Variants in ARHGAP42 observed in about 807,000 individuals in gnomAD.
The protein encoded by ARHGAP42 is Rho GTPase activating protein 42, also known as rho GTPase-activating protein 42.
ARHGAP42 carries 63 observed loss-of-function variants against 125.0 expected under a neutral mutation model. The observed-to-expected ratio is 0.50, with a 90% CI of 0.41 to 0.62. The LOEUF is 0.62. ARHGAP42 is among the 20% of genes least tolerant of loss of function. The pLI, the probability that ARHGAP42 is intolerant of heterozygous loss-of-function variation, is 0.00. For missense variants in ARHGAP42, 766 were observed against 1,024.2 expected (o/e 0.75, Z 3.44); for synonymous variants, 339 against 351.0 (o/e 0.97, Z 0.38).
chr11:100,885,395 A>G (rs1459291038), intron 4 of ARHGAP42, among the ~76,000 whole-genome samples: 3 of 152,320 alleles, frequency 2.0e-5, no homozygotes, highest in Non-Finnish European at 2.9e-5. Flanking sequence ...TAGGTTATTT[A>G]TATAGCACTT....
chr11:100,712,543 G>A (rs1266109944), intron 1 of ARHGAP42, among the ~76,000 whole-genome samples: 1 of 152,184 alleles, frequency 6.6e-6, no homozygotes, highest in Non-Finnish European at 1.5e-5. Flanking sequence ...CCCCAGAAGT[G>A]GGATAAGGGA....
intron 4 of ARHGAP42, among the ~76,000 whole-genome samples, chr11:100,866,553 C>T (rs534195350): frequency 6.6e-6 from 1 of 152,086 alleles, no homozygotes; most frequent in African/African-American, 2.4e-5. Flanking sequence ...CAGCCATGTA[C>T]AGGAAACATG....
At chr11:100,755,419 G>C (rs543431320) in intron 1 of ARHGAP42, among the ~76,000 whole-genome samples, 1 of 152,306 alleles carries the variant, frequency 6.6e-6, no homozygotes, top group Admixed American at 6.5e-5. Flanking sequence ...AGCAGTAACA[G>C]TATACACAAT....
chr11:100,883,191 A>T (rs1293229793), intron 4 of ARHGAP42, among the ~76,000 whole-genome samples: 1 of 152,140 alleles, frequency 6.6e-6, no homozygotes, highest in Non-Finnish European at 1.5e-5. Flanking sequence ...TTCAACACAC[A>T]GCCTCAAGCT....
intron 3 of ARHGAP42, among the ~76,000 whole-genome samples, chr11:100,848,652 C>T (rs959482571): frequency 1.3e-5 from 2 of 151,888 alleles, no homozygotes; most frequent in Non-Finnish European, 2.9e-5. Context: ...TACAGGTGTG[C>T]ACCACCACAC....
chr11:100,905,199 C>G (rs958604952), intron 4 of ARHGAP42, among the ~76,000 whole-genome samples: 3 of 151,968 alleles, frequency 2.0e-5, no homozygotes, highest in African/African-American at 7.3e-5. Flanking sequence ...TTAACAATGC[C>G]TAAGATTGAA....
In ARHGAP42 at chr11:100,990,841, A is replaced by G. The variant is rs1290347308; in HGVS notation, c.*2040A>G. ...CAAATTGGTTTTCTTTCAAAGACCAACTTGACTCCAAAGAGAGATTCAGAA... is the reference window on the plus strand; with the variant it reads ...CAAATTGGTTTTCTTTCAAAGACCAGCTTGACTCCAAAGAGAGATTCAGAA... On this transcript the variant is annotated 3_prime_UTR_variant, in exon 24 of 24. Coordinates refer to ENST00000298815, the MANE Select transcript of ARHGAP42 (RefSeq NM_152432.4). The G allele has an allele frequency of 1.3e-5, 2 of 152,484 alleles. No individual in the cohort carries two copies. Among genetic ancestry groups the G allele is most frequent in the Admixed American group, 6.5e-5 (1 of 15,278 alleles). The allele number at this position is 152,484 out of a possible 1,614,324, so 9.4% of individuals were successfully genotyped here.
At chr11:100,903,709 A>ATATATATAT (rs1866628124) in intron 4 of ARHGAP42, among the ~76,000 whole-genome samples, 1 of 63,504 alleles carries the variant, frequency 1.6e-5, no homozygotes. Flanking sequence ...TGTCCCTCAA[A>ATATATATAT]ATATATATAT....
At chr11:100,961,542 A>G (rs558155138) in intron 14 of ARHGAP42, 142 bp from the exon 15 acceptor site, 6 of 645,004 alleles carry the variant, frequency 9.3e-6, no homozygotes, top group East Asian at 2.9e-5. Flanking sequence ...CACGCAAACA[A>G]CAGTACTAAT....
chr11:100,741,903 G>A (rs968042312), intron 1 of ARHGAP42, among the ~76,000 whole-genome samples: 13 of 152,170 alleles, frequency 8.5e-5, no homozygotes, highest in Admixed American at 5.2e-4. Flanking sequence ...CAGGTTTAGA[G>A]GGAAATCCAT....
intron 4 of ARHGAP42, among the ~76,000 whole-genome samples, chr11:100,912,546 A>G (rs1464697256): frequency 2.0e-5 from 3 of 152,164 alleles, no homozygotes; most frequent in East Asian, 1.9e-4. Flanking sequence ...TCTTTGGCCA[A>G]TGAAATTTAT....
At chr11:100,920,073 G>A (rs564948386) in intron 5 of ARHGAP42, among the ~76,000 whole-genome samples, 41 of 152,260 alleles carry the variant, frequency 2.7e-4, no homozygotes, top group Non-Finnish European at 5.1e-4. Context: ...GATTTGTGTG[G>A]AATACTGATG....
At chr11:100,964,235 C>T (rs1858032991) in intron 16 of ARHGAP42, among the ~76,000 whole-genome samples, 1 of 152,110 alleles carries the variant, frequency 6.6e-6, no homozygotes, top group African/African-American at 2.4e-5. Context: ...TTCCATGAGC[C>T]TGCAACCAGG....
At chr11:100,741,222 G>T (rs1300023777) in intron 1 of ARHGAP42, among the ~76,000 whole-genome samples, 1 of 152,034 alleles carries the variant, frequency 6.6e-6, no homozygotes, top group African/African-American at 2.4e-5. Flanking sequence ...GTACAGACGG[G>T]GTTTCACCAT....
intron 4 of ARHGAP42, among the ~76,000 whole-genome samples, chr11:100,900,464 G>T (rs906476615): frequency 5.3e-5 from 8 of 152,126 alleles, no homozygotes; most frequent in African/African-American, 1.9e-4. Context: ...GCCTTGCTAG[G>T]TTGGGGAAGT....
chr11:100,837,614 G>A (rs1321242497), intron 3 of ARHGAP42, among the ~76,000 whole-genome samples: 1 of 145,878 alleles, frequency 6.9e-6, no homozygotes, highest in Non-Finnish European at 1.5e-5. Context: ...TATAACAAGG[G>A]GAGAGGTTTT....
intron 6 of ARHGAP42, among the ~76,000 whole-genome samples, chr11:100,926,190 T>C (rs1867417380): frequency 6.6e-6 from 1 of 152,220 alleles, no homozygotes; most frequent in Non-Finnish European, 1.5e-5. Flanking sequence ...GTTGGACTGA[T>C]GTTTTGTGAG....
intron 5 of ARHGAP42, among the ~76,000 whole-genome samples, chr11:100,919,804 G>A (rs879526946): frequency 1.3e-5 from 2 of 152,136 alleles, no homozygotes; most frequent in Non-Finnish European, 2.9e-5. Flanking sequence ...ACCCAGTAGT[G>A]TGCTAAGACT....
intron 1 of ARHGAP42, among the ~76,000 whole-genome samples, chr11:100,711,321 C>T (rs958833424): frequency 2.0e-5 from 3 of 152,122 alleles, no homozygotes; most frequent in Non-Finnish European, 4.4e-5. Context: ...TTTACTTCTT[C>T]CTTCTACTTG....
Sources: allele counts gnomAD v4.1 joint callset (sites outside exome capture counted in the v4.1 genomes callset), GRCh38; gene constraint gnomAD v4.1.1; transcripts MANE v1.5; gene names NCBI Gene and HGNC (gene_info 2026-07-23, HGNC 2026-07-21).